Variants in KDM4C observed in about 807,000 individuals in gnomAD.
The protein encoded by KDM4C is lysine-specific demethylase 4C.
Under a neutral mutation model 129.3 loss-of-function variants are expected in KDM4C, and 81 were observed. The observed-to-expected ratio is 0.63, with a 90% confidence interval of 0.52 to 0.75. KDM4C has a LOEUF of 0.75. Among genes scored for constraint, KDM4C ranks in the 30% least tolerant of loss-of-function variants. KDM4C has a pLI of 0.00. For missense variants in KDM4C, 1,457 were observed against 1,304.0 expected, an observed-to-expected ratio of 1.12 and a Z score of -1.81; for synonymous variants, 573 against 456.1, an observed-to-expected ratio of 1.26 and a Z score of -3.26.
In KDM4C at chr9:6,973,642, G is replaced by A. The variant is rs374521163; in HGVS notation, c.922-7283G>A. ...AAATTGTTATTTTTGTTTCTCTCAA[G>A]TGAGAGCACCCTTGATATACTATTT... On this transcript the variant is annotated intron_variant, in intron 8 of 21. Transcript: ENST00000381309. Among the ~76,000 whole-genome samples the A allele has an allele frequency of 9.3e-4, 142 of 152,280 alleles. No individual in the cohort carries two copies. In the South Asian group the frequency reaches 0.024, roughly 25 times the overall value.
intron 15 of KDM4C, among the ~76,000 whole-genome samples, chr9:7,033,513 C>T (rs57658404): frequency 8.5e-5 from 13 of 152,230 alleles, no homozygotes; most frequent in Middle Eastern, 3.4e-3. Context: ...TTTAACCAAA[C>T]AGAAGAGCAC....
chr9:7,128,039 C>A (rs1240062597), intron 18 of KDM4C, 27 bp from the exon 19 acceptor site: 2 of 1,415,372 alleles, frequency 1.4e-6, no homozygotes, highest in East Asian at 2.7e-5. Context: ...TACTTCTTTT[C>A]TTCCTTTTTT....
chr9:7,028,647 C>T (rs900242681), intron 15 of KDM4C, among the ~76,000 whole-genome samples: 3 of 152,056 alleles, frequency 2.0e-5, no homozygotes, highest in Admixed American at 6.6e-5. Flanking sequence ...CACCATGACT[C>T]GCCTAGGAGT....
At chr9:7,069,425 T>C (rs1427752193) in intron 17 of KDM4C, among the ~76,000 whole-genome samples, 4 of 152,180 alleles carry the variant, frequency 2.6e-5, no homozygotes, top group Non-Finnish European at 5.9e-5. Flanking sequence ...TGTGGGAGGA[T>C]TGCTTGAGCC....
chr9:7,128,294 G>A, intron 19 of KDM4C, 58 bp downstream of exon 19: 1 of 1,322,576 alleles, frequency 7.6e-7, no homozygotes, highest in Non-Finnish European at 1.0e-6. Context: ...AAAAACCAAA[G>A]TAACTGAGCC....
rs763618173 is a variant in KDM4C, at chr9:7,128,086, G to A, written c.2631G>A (p.Lys877=). 3 of 1,591,626 alleles carry A rather than the reference G, an allele frequency of 1.9e-6. No individual in the cohort carries two copies. Among genetic ancestry groups the A allele is most frequent in the Non-Finnish European group, 1.7e-6 (2 of 1,170,526 alleles). The change falls in exon 19 of 22, where the codon AAG becomes AAA. Residue 877 remains lysine, a synonymous_variant. Coordinates refer to ENST00000381309, the MANE Select transcript of KDM4C (RefSeq NM_015061.6). The stretch of plus-strand genomic sequence containing the variant: ...TTTAGAAGTCCAAGGCTTGCGAGAA[G>A]GTCATTTCCGTGGGTCAAACGGTCA... ...NPNVKSKACE[K]VISVGQTVIT...
intron 8 of KDM4C, among the ~76,000 whole-genome samples, chr9:6,922,893 C>G (rs185700069): frequency 1.8e-3 from 281 of 152,356 alleles, no homozygotes; most frequent in Non-Finnish European, 1.8e-3. Flanking sequence ...ACTCAAGCCA[C>G]TTAAACTGTG....
chr9:7,064,954 A>G (rs986192386), intron 17 of KDM4C, among the ~76,000 whole-genome samples: 4 of 152,212 alleles, frequency 2.6e-5, no homozygotes, highest in Admixed American at 6.5e-5. Flanking sequence ...AGTCTCTTGT[A>G]TATTCTCTCT....
intron 20 of KDM4C, among the ~76,000 whole-genome samples, chr9:7,169,197 G>A (rs1844706734): frequency 6.6e-6 from 1 of 152,106 alleles, no homozygotes; most frequent in African/African-American, 2.4e-5. Context: ...ACAGTCTCAT[G>A]TTTTGTGATT....
At chr9:6,927,356 C>T (rs535566057) in intron 8 of KDM4C, among the ~76,000 whole-genome samples, 8 of 152,290 alleles carry the variant, frequency 5.3e-5, no homozygotes, top group East Asian at 3.9e-4. Flanking sequence ...TCTCGAACTT[C>T]GGGCCTCAAG....
At chr9:6,882,533 G>A (rs1174822940) in intron 6 of KDM4C, among the ~76,000 whole-genome samples, 1 of 152,144 alleles carries the variant, frequency 6.6e-6, no homozygotes, top group Non-Finnish European at 1.5e-5. Context: ...GAAAATTTTG[G>A]TTACTCGTCC....
At chr9:6,748,543 G>C (rs1287203900) in intron 1 of KDM4C, among the ~76,000 whole-genome samples, 1 of 151,466 alleles carries the variant, frequency 6.6e-6, no homozygotes, top group Non-Finnish European at 1.5e-5. Flanking sequence ...ATTATTATTA[G>C]TATTATTAGT....
intron 3 of KDM4C, among the ~76,000 whole-genome samples, chr9:6,809,351 C>A (rs939706353): frequency 6.6e-6 from 1 of 152,164 alleles, no homozygotes; most frequent in African/African-American, 2.4e-5. Flanking sequence ...GGCAATTAAA[C>A]CTGTTTACAA....
At chr9:7,109,138 A>G (rs763685700) in intron 18 of KDM4C, among the ~76,000 whole-genome samples, 32 of 152,176 alleles carry the variant, frequency 2.1e-4, no homozygotes, top group Non-Finnish European at 2.5e-4. Flanking sequence ...CTGTTTCCCT[A>G]ATGGGCATAT....
At chr9:6,911,227 G>GA (rs1189528555) in intron 8 of KDM4C, among the ~76,000 whole-genome samples, 1 of 151,816 alleles carries the variant, frequency 6.6e-6, no homozygotes, top group Non-Finnish European at 1.5e-5. Flanking sequence ...GAGGATGAGG[G>GA]AAAAAAACCT....
chr9:6,844,461 A>G (rs1251024527), intron 4 of KDM4C, among the ~76,000 whole-genome samples: 2 of 152,238 alleles, frequency 1.3e-5, no homozygotes, highest in South Asian at 2.1e-4. Flanking sequence ...ACCGCCTATC[A>G]TAAGGCTTCC....
intron 1 of KDM4C, among the ~76,000 whole-genome samples, chr9:6,774,782 G>T (rs1822653071): frequency 6.6e-6 from 1 of 152,102 alleles, no homozygotes; most frequent in Admixed American, 6.6e-5. Context: ...AAAAGACATG[G>T]TATAGTTCTA....
intron 8 of KDM4C, among the ~76,000 whole-genome samples, chr9:6,955,907 T>C (rs1365769846): frequency 1.3e-5 from 2 of 152,224 alleles, no homozygotes; most frequent in Non-Finnish European, 2.9e-5. Flanking sequence ...AAGAGCACAA[T>C]ACAACCAGTT....
At chr9:6,896,752 A>G (rs1816523151) in intron 8 of KDM4C, among the ~76,000 whole-genome samples, 1 of 152,146 alleles carries the variant, frequency 6.6e-6, no homozygotes, top group Non-Finnish European at 1.5e-5. Flanking sequence ...GCCAGGCATC[A>G]TGTATGTTTC....
Sources: allele counts gnomAD v4.1 joint callset (sites outside exome capture counted in the v4.1 genomes callset), GRCh38; gene constraint gnomAD v4.1.1; transcripts MANE v1.5; gene names NCBI Gene and HGNC (gene_info 2026-07-23, HGNC 2026-07-21).